LRP1B: variants seen among roughly 807,000 people sequenced by gnomAD.
The protein encoded by LRP1B is low-density lipoprotein receptor-related protein 1B.
In LRP1B, 217 loss-of-function variants were observed where a neutral mutation model predicts 556.6. The ratio of observed to expected loss-of-function variants is 0.39; its 90% CI spans 0.35 to 0.44. The LOEUF is 0.44. Among genes scored for constraint, LRP1B ranks in the 20% least tolerant of loss-of-function variants. The pLI is 1.00. For missense variants in LRP1B, 5,053 were observed against 5,620.8 expected (o/e 0.90, Z 3.23); for synonymous variants, 2,047 against 1,865.8 (o/e 1.10, Z -2.50).
intron 7 of LRP1B, among the ~76,000 whole-genome samples, chr2:141,129,791 T>C (rs538319321): frequency 3.3e-5 from 5 of 151,902 alleles, no homozygotes; most frequent in Admixed American, 1.3e-4. Context: ...AATAAACAAA[T>C]AGAGTTAGAA....
Position 140,456,491 on chromosome 2 carries a change from A to G in LRP1B, c.9927T>C (p.Asp3309=), listed in dbSNP as rs1480727662. 1.9e-6 allele frequency: 3 copies of G among 1,613,484 alleles called. No homozygotes were observed. Among genetic ancestry groups the G allele is most frequent in the Non-Finnish European group, 2.5e-6 (3 of 1,179,616 alleles). The change falls in exon 62 of 91, where the codon GAT becomes GAC. Residue 3309 remains aspartate, a synonymous_variant. Coordinates refer to ENST00000389484, the MANE Select transcript of LRP1B (RefSeq NM_018557.3). ...TGCAGTTGGATAAGCAAGTCCTATT[A>G]TCAGCTGCCAGATAGAAGTTAGTGG... ...ACPTNFYLAA[D]NRTCLSNCTA... is the part of the protein sequence containing the mutation.
intron 32 of LRP1B, among the ~76,000 whole-genome samples, chr2:140,784,376 C>CCCCACACACACACACACACACA (rs1689817109): frequency 7.9e-6 from 1 of 126,574 alleles, no homozygotes; most frequent in Admixed American, 8.6e-5. Flanking sequence ...GATTCTGCCT[C>CCCCACACACACACACACACACA]CACACACACA....
intron 43 of LRP1B, among the ~76,000 whole-genome samples, chr2:140,596,295 A>C (rs1189673453): frequency 6.6e-6 from 1 of 152,192 alleles, no homozygotes. Flanking sequence ...AAAACTATGT[A>C]AAGAGTATTT....
chr2:141,154,152 C>T (rs188610227), intron 7 of LRP1B, among the ~76,000 whole-genome samples: 32 of 151,896 alleles, frequency 2.1e-4, no homozygotes, highest in African/African-American at 5.3e-4. Context: ...CAAGCTAATA[C>T]GACTGAAAAG....
intron 3 of LRP1B, among the ~76,000 whole-genome samples, chr2:141,277,310 A>T (rs1024805890): frequency 1.3e-5 from 2 of 152,136 alleles, no homozygotes; most frequent in Non-Finnish European, 2.9e-5. Flanking sequence ...TGTTATTTTT[A>T]GGCTTTTTAA....
chr2:140,276,688 A>G (rs1682685643), intron 84 of LRP1B, among the ~76,000 whole-genome samples: 2 of 151,958 alleles, frequency 1.3e-5, no homozygotes, highest in African/African-American at 4.8e-5. Flanking sequence ...TTAAAATTTC[A>G]TCCACTGGGG....
chr2:141,531,623 A>T (rs558306181), intron 2 of LRP1B, among the ~76,000 whole-genome samples: 2 of 152,306 alleles, frequency 1.3e-5, no homozygotes, highest in South Asian at 4.1e-4. Flanking sequence ...CACCAAAGTC[A>T]ATACTGAAAG....
chr2:141,691,879 T>C (rs1313898831), intron 2 of LRP1B, among the ~76,000 whole-genome samples: 1 of 152,020 alleles, frequency 6.6e-6, no homozygotes, highest in African/African-American at 2.4e-5. Context: ...TATAGACAAC[T>C]TGAATTCAGT....
intron 3 of LRP1B, among the ~76,000 whole-genome samples, chr2:141,447,793 C>T (rs1314440930): frequency 6.6e-6 from 1 of 152,128 alleles, no homozygotes; most frequent in African/African-American, 2.4e-5. Flanking sequence ...GAAGCTTTGT[C>T]CCAGAAGGCC....
intron 2 of LRP1B, among the ~76,000 whole-genome samples, chr2:141,763,173 AAT>A (rs1286336472): frequency 2.6e-5 from 4 of 152,176 alleles, no homozygotes; most frequent in Admixed American, 2.6e-4. Flanking sequence ...GATTATCACA[AAT>A]AAAGAATTCA....
intron 25 of LRP1B, among the ~76,000 whole-genome samples, chr2:140,875,303 G>A (rs2105171120): frequency 6.6e-6 from 1 of 152,246 alleles, no homozygotes; most frequent in East Asian, 1.9e-4. Flanking sequence ...ACCAGTATAT[G>A]GGCCCTTGTG....
intron 35 of LRP1B, among the ~76,000 whole-genome samples, chr2:140,755,196 C>T (rs1573671860): frequency 6.6e-6 from 1 of 151,888 alleles, no homozygotes; most frequent in East Asian, 1.9e-4. Flanking sequence ...TCCCTCAAAT[C>T]CCAAGAACCA....
chr2:140,884,591 C>G (rs192500330), intron 24 of LRP1B, among the ~76,000 whole-genome samples: 1 of 152,020 alleles, frequency 6.6e-6, no homozygotes, highest in Admixed American at 6.6e-5. Context: ...CTAAGACTTG[C>G]AAGATGTAAC....
At chr2:141,484,789 G>C (rs10928106) in intron 2 of LRP1B, among the ~76,000 whole-genome samples, 145,673 of 152,008 alleles carry the variant, frequency 0.96, 70,118 homozygotes, top group South Asian at 1. Context: ...TATAAGAATG[G>C]TTGTGATTTT....
chr2:140,425,613 G>A (rs1685619841), intron 66 of LRP1B, among the ~76,000 whole-genome samples: 2 of 152,108 alleles, frequency 1.3e-5, no homozygotes, highest in Admixed American at 6.6e-5. Context: ...GTTTCACCAT[G>A]TTGAGCAGGC....
chr2:141,604,410 G>C (rs1333178158), intron 2 of LRP1B, among the ~76,000 whole-genome samples: 1 of 152,030 alleles, frequency 6.6e-6, no homozygotes, highest in Non-Finnish European at 1.5e-5. Flanking sequence ...ACTATTGATA[G>C]AGGCAGGAGA....
At chr2:140,492,081 C>A (rs1442342376) in intron 57 of LRP1B, among the ~76,000 whole-genome samples, 6 of 152,082 alleles carry the variant, frequency 3.9e-5, no homozygotes, top group Non-Finnish European at 8.8e-5. Context: ...GGATTTTCAT[C>A]TGACGTGTTT....
intron 15 of LRP1B, among the ~76,000 whole-genome samples, chr2:141,005,018 C>A (rs147212994): frequency 6.6e-6 from 1 of 152,006 alleles, no homozygotes; most frequent in East Asian, 1.9e-4. Context: ...AACTTACCAT[C>A]TATCTAATCA....
At chr2:141,482,231 AT>A (rs1277162275) in intron 2 of LRP1B, among the ~76,000 whole-genome samples, 4 of 152,166 alleles carry the variant, frequency 2.6e-5, no homozygotes, top group Admixed American at 1.3e-4. Flanking sequence ...AATAGGAATT[AT>A]AGGTGTAAAT....
Sources: allele counts gnomAD v4.1 joint callset (sites outside exome capture counted in the v4.1 genomes callset), GRCh38; gene constraint gnomAD v4.1.1; transcripts MANE v1.5; gene names NCBI Gene and HGNC (gene_info 2026-07-23, HGNC 2026-07-21).